MS4A3: variants seen among roughly 807,000 people sequenced by gnomAD.
The protein encoded by MS4A3 is membrane-spanning 4-domains subfamily A member 3.
In MS4A3, 18 loss-of-function variants were observed where a neutral mutation model predicts 24.7. That is an observed-to-expected ratio of 0.73 (90% CI 0.50 to 1.08). The LOEUF (loss-of-function observed/expected upper bound fraction) is 1.08. Ranked by LOEUF, MS4A3 falls within the 50% of genes least tolerant of loss-of-function variation. The pLI is 0.00. For synonymous variants in MS4A3, 84 were observed against 95.3 expected, an observed-to-expected ratio of 0.88 and a Z score of 0.69; for missense variants, 282 against 251.7, an observed-to-expected ratio of 1.12 and a Z score of -0.82.
chr11:60,066,656 A>G (rs1048795114), intron 4 of MS4A3, among the ~76,000 whole-genome samples: 1 of 152,148 alleles, frequency 6.6e-6, no homozygotes, highest in Non-Finnish European at 1.5e-5. Flanking sequence ...CTCTCTTTGG[A>G]TTCCCAGATT....
At chr11:60,065,213 T>C (rs921900683) in intron 4 of MS4A3, among the ~76,000 whole-genome samples, 8 of 135,054 alleles carry the variant, frequency 5.9e-5, no homozygotes, top group African/African-American at 2.0e-4. Context: ...CTAATTTTTG[T>C]CTTTTTTTTT....
chr11:60,069,814 G>A, intron 6 of MS4A3, 139 bp downstream of exon 6: 1 of 729,676 alleles, frequency 1.4e-6, no homozygotes, highest in Non-Finnish European at 2.4e-6. Flanking sequence ...TTGTATGAAT[G>A]TTAGAGATGG....
Position 60,062,522 on chromosome 11 carries a change from T to C in MS4A3, c.211T>C (p.Ser71Pro). 2 of 1,614,182 alleles carry C rather than the reference T, an allele frequency of 1.2e-6. No individual in the cohort carries two copies. Among genetic ancestry groups the C allele is most frequent in the East Asian group, 2.2e-5 (1 of 44,882 alleles). Residue 71 changes from serine (S) to proline (P), a missense_variant, in exon 3 of 7, where the codon TCC becomes CCC. Coordinates refer to ENST00000278865, the MANE Select transcript of MS4A3 (RefSeq NM_006138.5). ...MILALGVFLG[S>P]LQYPYHFQKH... Reference sequence around the variant, plus strand: ...TCTGGCTTTGGGTGTCTTTCTGGGTTCCTTGCAATACCCATACCACTTCCA... The same window carrying C: ...TCTGGCTTTGGGTGTCTTTCTGGGTCCCTTGCAATACCCATACCACTTCCA...
chr11:60,057,127 G>T (rs769886913), intron 1 of MS4A3, among the ~76,000 whole-genome samples: 6 of 152,138 alleles, frequency 3.9e-5, no homozygotes, highest in Non-Finnish European at 7.4e-5. Flanking sequence ...GGGGACAGTG[G>T]AGTGTAATGA....
At chr11:60,058,379 C>G (rs187935569) in intron 1 of MS4A3, among the ~76,000 whole-genome samples, 2 of 151,198 alleles carry the variant, frequency 1.3e-5, no homozygotes, top group South Asian at 4.2e-4. Context: ...TGGTGGTGCA[C>G]GCCTGTAATC....
intron 5 of MS4A3, among the ~76,000 whole-genome samples, 170 bp downstream of exon 5, chr11:60,067,282 G>T (rs562141142): frequency 6.9e-6 from 1 of 144,646 alleles, no homozygotes; most frequent in African/African-American, 2.5e-5. Context: ...GAGTGATCTC[G>T]GCTCACTGCA....
chr11:60,058,593 T>C (rs1855213732), intron 1 of MS4A3, among the ~76,000 whole-genome samples: 2 of 146,836 alleles, frequency 1.4e-5, no homozygotes, highest in Admixed American at 6.9e-5. Context: ...TGAGGGGACT[T>C]GTCTTTCAGG....
At chr11:60,058,947 C>T (rs1031448088) in intron 1 of MS4A3, among the ~76,000 whole-genome samples, 4 of 152,130 alleles carry the variant, frequency 2.6e-5, no homozygotes, top group African/African-American at 9.7e-5. Context: ...TTCCCTCGCT[C>T]TTGGGTTCTG....
intron 4 of MS4A3, 140 bp from the exon 5 acceptor site, chr11:60,066,811 G>T: frequency 1.6e-6 from 1 of 616,152 alleles, no homozygotes; most frequent in Non-Finnish European, 2.6e-6. Flanking sequence ...ATCTTTCTTT[G>T]GTCATTGATG....
chr11:60,067,513 C>T (rs1395563834), intron 5 of MS4A3, among the ~76,000 whole-genome samples: 1 of 152,056 alleles, frequency 6.6e-6, no homozygotes, highest in African/African-American at 2.4e-5. Flanking sequence ...CCGCGCCCAT[C>T]CCATAATTTG....
chr11:60,060,921 TAAGTG>T, intron 1 of MS4A3: 2 of 348,860 alleles, frequency 5.7e-6, no homozygotes, highest in South Asian at 2.1e-4. Flanking sequence ...ATTCCAAAGT[TAAGTG>T]AAGCACCAAG....
intron 5 of MS4A3, among the ~76,000 whole-genome samples, chr11:60,068,997 T>G (rs1419848488): frequency 6.6e-6 from 1 of 152,226 alleles, no homozygotes; most frequent in Non-Finnish European, 1.5e-5. Context: ...TTTAATGATC[T>G]AAATTTATAT....
At chr11:60,063,798 T>C (rs1434635771) in intron 3 of MS4A3, among the ~76,000 whole-genome samples, 1 of 152,218 alleles carries the variant, frequency 6.6e-6, no homozygotes, top group Non-Finnish European at 1.5e-5. Context: ...TTCTCACTTA[T>C]AAGCGGGAGC....
chr11:60,064,018 TAA>T (rs796788550), intron 3 of MS4A3, among the ~76,000 whole-genome samples: 1 of 150,656 alleles, frequency 6.6e-6, no homozygotes, highest in South Asian at 2.1e-4. Context: ...CGTATGGAAA[TAA>T]AAAAAATTTA....
chr11:60,059,625 T>A (rs1461780459), intron 1 of MS4A3, among the ~76,000 whole-genome samples: 2 of 152,098 alleles, frequency 1.3e-5, no homozygotes, highest in Non-Finnish European at 2.9e-5. Context: ...TAAGTGAGAA[T>A]ATGTGGTATT....
intron 2 of MS4A3, among the ~76,000 whole-genome samples, chr11:60,062,093 G>C (rs950149202): frequency 1.1e-4 from 16 of 152,120 alleles, no homozygotes; most frequent in Non-Finnish European, 2.2e-4. Context: ...TTGAGAGAAA[G>C]GCTGAGTAGG....
intron 4 of MS4A3, among the ~76,000 whole-genome samples, chr11:60,064,648 C>T (rs1035525584): frequency 6.6e-6 from 1 of 152,190 alleles, no homozygotes; most frequent in African/African-American, 2.4e-5. Flanking sequence ...AAAGTCCAAA[C>T]TTCTATTCTA....
rs1185873173 is a variant in MS4A3 at position 60,070,894 on chromosome 11, T to G, written c.*661T>G. ...CCCAAATGTGTTCTTCAAAGGACAA[T>G]GGGAAACTGTAAAGTAGAGAACTAA... On this transcript the variant is annotated 3_prime_UTR_variant, in exon 7 of 7. Transcript: ENST00000278865. The G allele has an allele frequency of 6.6e-6, 1 of 152,150 alleles. No homozygotes were observed. Among genetic ancestry groups the G allele is most frequent in the Non-Finnish European group, 1.5e-5 (1 of 68,086 alleles). 9.4% of individuals were successfully genotyped at this position (152,150 alleles called of 1,614,324 possible).
chr11:60,061,629 C>A, intron 2 of MS4A3: 1 of 326,078 alleles, frequency 3.1e-6, no homozygotes, highest in Non-Finnish European at 5.9e-6. Flanking sequence ...TAATATGTCA[C>A]ATACAAAATA....
Sources: allele counts gnomAD v4.1 joint callset (sites outside exome capture counted in the v4.1 genomes callset), GRCh38; gene constraint gnomAD v4.1.1; transcripts MANE v1.5; gene names NCBI Gene and HGNC (gene_info 2026-07-23, HGNC 2026-07-21).